ANKS1B: variants seen among roughly 807,000 people sequenced by gnomAD.
ANKS1B encodes ankyrin repeat and sterile alpha motif domain containing 1B, also known as ankyrin repeat and sterile alpha motif domain-containing protein 1B.
Under a neutral mutation model 148.3 loss-of-function variants are expected in ANKS1B, and 36 were observed. The ratio of observed to expected loss-of-function variants is 0.24; its 90% CI spans 0.19 to 0.32. The LOEUF (loss-of-function observed/expected upper bound fraction) is 0.32, where lower values mean the gene tolerates loss of function less well. ANKS1B is among the 10% of genes least tolerant of loss of function. ANKS1B has a pLI of 1.00. For synonymous variants in ANKS1B, 542 were observed against 560.8 expected (o/e 0.97, Z 0.47); for missense variants, 1,157 against 1,542.6 (o/e 0.75, Z 4.19).
chr12:99,722,355 G>C (rs1015426425), intron 8 of ANKS1B, among the ~76,000 whole-genome samples: 5 of 152,200 alleles, frequency 3.3e-5, no homozygotes, highest in African/African-American at 1.2e-4. Context: ...AGGTTGTAAT[G>C]CAGCTGGTAA....
chr12:99,609,418 T>C (rs2097880674), intron 9 of ANKS1B, among the ~76,000 whole-genome samples: 1 of 151,648 alleles, frequency 6.6e-6, no homozygotes, highest in Non-Finnish European at 1.5e-5. Context: ...TGCGAAAAGG[T>C]ACAGTCCTCC....
chr12:99,968,491 G>A (rs1603538314), intron 1 of ANKS1B, among the ~76,000 whole-genome samples: 1 of 152,204 alleles, frequency 6.6e-6, no homozygotes, highest in African/African-American at 2.4e-5. Flanking sequence ...CCTGGAGGCG[G>A]CACTTGCAGT....
intron 16 of ANKS1B, among the ~76,000 whole-genome samples, chr12:99,055,592 G>C (rs1198777724): frequency 6.6e-6 from 1 of 152,124 alleles, no homozygotes; most frequent in Non-Finnish European, 1.5e-5. Flanking sequence ...CCCATGACAG[G>C]ACTGCAAAGA....
chr12:98,851,171 G>C (rs1431996904), intron 17 of ANKS1B, among the ~76,000 whole-genome samples: 1 of 152,200 alleles, frequency 6.6e-6, no homozygotes, highest in Non-Finnish European at 1.5e-5. Context: ...AGGGTGGAAT[G>C]TGATGGCTGA....
intron 14 of ANKS1B, among the ~76,000 whole-genome samples, chr12:99,213,671 T>C (rs1319659046): frequency 1.3e-5 from 2 of 152,342 alleles, no homozygotes; most frequent in Non-Finnish European, 2.9e-5. Flanking sequence ...GTATGGTTAA[T>C]GAATCAAATA....
chr12:98,798,663 A>G (rs146994964), intron 22 of ANKS1B, among the ~76,000 whole-genome samples: 1 of 152,304 alleles, frequency 6.6e-6, no homozygotes, highest in East Asian at 1.9e-4. Flanking sequence ...TCATTTTTCT[A>G]ATCTCGAAAA....
At chr12:98,847,705 C>T (rs1595385503) in intron 17 of ANKS1B, among the ~76,000 whole-genome samples, 1 of 152,150 alleles carries the variant, frequency 6.6e-6, no homozygotes, top group African/African-American at 2.4e-5. Flanking sequence ...AAACGATTCT[C>T]CTGCTTCAGC....
chr12:99,364,147 A>G (rs764423295), intron 12 of ANKS1B, among the ~76,000 whole-genome samples: 3 of 152,024 alleles, frequency 2.0e-5, no homozygotes, highest in Non-Finnish European at 4.4e-5. Flanking sequence ...CAAATATTTT[A>G]TTTTTTGCAG....
At chr12:98,932,229 G>A (rs769810977) in intron 17 of ANKS1B, among the ~76,000 whole-genome samples, 5 of 152,138 alleles carry the variant, frequency 3.3e-5, no homozygotes, top group Non-Finnish European at 7.3e-5. Flanking sequence ...CAGCCCTGCA[G>A]CTCCACCTCT....
intron 22 of ANKS1B, among the ~76,000 whole-genome samples, chr12:98,794,316 C>T (rs1207909522): frequency 7.2e-6 from 1 of 139,330 alleles, no homozygotes; most frequent in Non-Finnish European, 1.5e-5. Context: ...CACTTGAACC[C>T]AGGAGGTGGA....
At chr12:99,590,279 C>G (rs2084552228) in intron 9 of ANKS1B, among the ~76,000 whole-genome samples, 2 of 151,458 alleles carry the variant, frequency 1.3e-5, no homozygotes, top group African/African-American at 4.9e-5. Context: ...CACACACACA[C>G]ACACACACAC....
Position 99,932,776 on chromosome 12 carries a change from A to G in ANKS1B, c.134+51328T>C, listed in dbSNP as rs576656572. On this transcript the variant is annotated intron_variant, in intron 1 of 26. Transcript: ENST00000683438. ...TGCAGAAGCTTTTTAACTTGATGTG[A>G]TCCCATTTGTCCATGTTTGCTTTGG... Among the ~76,000 whole-genome samples the G allele has an allele frequency of 3.5e-4, 54 of 152,152 alleles. 1 individual carries two copies. The South Asian group carries it at 8.5e-3, about 24-fold the overall frequency.
intron 17 of ANKS1B, among the ~76,000 whole-genome samples, chr12:98,955,689 T>TCC (rs1235657180): frequency 6.6e-6 from 1 of 152,146 alleles, no homozygotes. Flanking sequence ...GCATCCAGGA[T>TCC]CCAGGCATTT....
intron 9 of ANKS1B, among the ~76,000 whole-genome samples, chr12:99,508,152 GT>G (rs1257301387): frequency 6.6e-6 from 1 of 151,776 alleles, no homozygotes; most frequent in Non-Finnish European, 1.5e-5. Flanking sequence ...TCTATTTTCA[GT>G]GTGGTACAGG....
At chr12:99,600,950 G>T (rs547213821) in intron 9 of ANKS1B, among the ~76,000 whole-genome samples, 2 of 152,114 alleles carry the variant, frequency 1.3e-5, no homozygotes, top group South Asian at 4.2e-4. Flanking sequence ...TACCCAGAAA[G>T]TCTTCCCTTT....
chr12:99,825,580 A>G (rs1603075597), intron 1 of ANKS1B, among the ~76,000 whole-genome samples, 191 bp from the exon 2 acceptor site: 2 of 152,340 alleles, frequency 1.3e-5, no homozygotes, highest in East Asian at 1.9e-4. Flanking sequence ...AAGGAAACTA[A>G]TAGAGAATGC....
intron 8 of ANKS1B, among the ~76,000 whole-genome samples, chr12:99,685,052 G>T (rs1212828882): frequency 2.0e-5 from 3 of 152,010 alleles, no homozygotes; most frequent in African/African-American, 7.2e-5. Context: ...AAAAGCAACT[G>T]CAACAAAAAC....
At chr12:99,708,878 G>T (rs2056223696) in intron 8 of ANKS1B, among the ~76,000 whole-genome samples, 1 of 152,088 alleles carries the variant, frequency 6.6e-6, no homozygotes, top group Non-Finnish European at 1.5e-5. Context: ...GCATACCACA[G>T]GTCCTGTCTC....
At chr12:98,921,808 G>A (rs2099801809) in intron 17 of ANKS1B, among the ~76,000 whole-genome samples, 1 of 152,176 alleles carries the variant, frequency 6.6e-6, no homozygotes, top group South Asian at 2.1e-4. Flanking sequence ...CTAATTTGAA[G>A]AGGTTTTTCA....
Sources: gnomAD v4.1 joint callset for allele counts (sites outside exome capture counted in the v4.1 genomes callset) on GRCh38, gnomAD v4.1.1 for gene constraint, MANE v1.5 for transcripts, NCBI Gene and HGNC (gene_info 2026-07-23, HGNC 2026-07-21) for gene names.